The following CLU variants were observed in gnomAD, a reference collection of about 807,000 sequenced individuals.
The protein encoded by CLU is aging-associated protein 4.
In CLU, 25 loss-of-function variants were observed where a neutral mutation model predicts 46.4. The observed-to-expected ratio is 0.54, with a 90% CI of 0.39 to 0.75. CLU has a LOEUF of 0.75. Ranked by LOEUF, CLU falls within the 30% of genes least tolerant of loss-of-function variation. The pLI, the probability that CLU is intolerant of heterozygous loss-of-function variation, is 0.00. For missense variants in CLU, 504 were observed against 592.1 expected (o/e 0.85, Z 1.54); for synonymous variants, 235 against 235.1 (o/e 1.00, Z 0.00).
At chr8:27,611,300 G>A (rs975429900) in intron 1 of CLU, 1 of 454,956 alleles carries the variant, frequency 2.2e-6, no homozygotes, top group Admixed American at 2.3e-5. Context: ...GGAGAGTAGA[G>A]AGGGTTCGCA....
Position 27,600,013 on chromosome 8 carries a change from C to G in CLU, c.935-4G>C. ...GAGGGGTTGTTGGTGGAACAGTCTG[C>G]CCAGAGATGGAAGAAACGCAAGTGA... On this transcript the variant is annotated splice_region_variant and splice_polypyrimidine_tract_variant and intron_variant, in intron 6 of 8. Coordinates refer to ENST00000316403, the MANE Select transcript of CLU (RefSeq NM_001831.4). 1 of 1,611,844 alleles carries G rather than the reference C, an allele frequency of 6.2e-7. No homozygotes were observed. The highest frequency in any genetic ancestry group is 2.2e-5 in the East Asian group (1 of 44,860).
chr8:27,596,976 T>C lies in CLU; in HGVS notation c.*1265A>G, dbSNP rs770079450. ...TGTGACATATACTTTACAATTATGA[T>C]CACTTAAGCAAATACCTCTGACCCC... On this transcript the variant is annotated 3_prime_UTR_variant, in exon 9 of 9. Transcript: ENST00000316403. 114 of 454,036 alleles carry C rather than the reference T, an allele frequency of 2.5e-4. No individual in the cohort carries two copies. Among genetic ancestry groups the C allele is most frequent in the Non-Finnish European group, 4.1e-4 (93 of 226,766 alleles). 28.1% of individuals were successfully genotyped at this position (454,036 alleles called of 1,614,324 possible). A position where few individuals can be genotyped will look rare whatever the true frequency, so the allele number is the denominator to read the frequency against.
intron 6 of CLU, among the ~76,000 whole-genome samples, chr8:27,603,369 G>A (rs752434202): frequency 6.6e-6 from 1 of 152,194 alleles, no homozygotes; most frequent in Non-Finnish European, 1.5e-5. Flanking sequence ...ATAGGAGTGA[G>A]GCTAGGAATG....
chr8:27,611,320 G>C (rs1800925180), intron 1 of CLU: 1 of 455,396 alleles, frequency 2.2e-6, no homozygotes, highest in South Asian at 1.6e-5. Flanking sequence ...AGTGGCCCGA[G>C]GAGCAGGCTT....
intron 2 of CLU, 35 bp from the exon 3 acceptor site, chr8:27,609,121 G>A (rs779567691): frequency 1.2e-6 from 2 of 1,611,068 alleles, no homozygotes; most frequent in South Asian, 1.1e-5. Context: ...AATGAGGCGA[G>A]AGGAAGAGGT....
chr8:27,604,011 C>CT (rs9331920), intron 6 of CLU, among the ~76,000 whole-genome samples: 21 of 152,186 alleles, frequency 1.4e-4, no homozygotes, highest in African/African-American at 5.1e-4. Flanking sequence ...TTTCAACAAG[C>CT]TTTTTTCAAC....
At chr8:27,610,640 G>A (rs376990716) in intron 1 of CLU, 40 bp from the exon 2 acceptor site, 10 of 1,517,282 alleles carry the variant, frequency 6.6e-6, no homozygotes, top group African/African-American at 1.4e-5. Context: ...CAGCTAGACA[G>A]CCTGCTGGCG....
intron 3 of CLU, among the ~76,000 whole-genome samples, chr8:27,607,339 A>AAAAACAAAAC (rs6150518): frequency 0.059 from 8,709 of 148,752 alleles, 439 homozygotes; most frequent in East Asian, 0.28. Flanking sequence ...TCTGTCTCAA[A>AAAAACAAAAC]AAAACAAAAC....
chr8:27,608,005 C>A (rs1331926300), intron 3 of CLU, among the ~76,000 whole-genome samples: 1 of 152,154 alleles, frequency 6.6e-6, no homozygotes, highest in Non-Finnish European at 1.5e-5. Flanking sequence ...CCAGTGATAA[C>A]CACAAAAATG....
chr8:27,600,558 A>G (rs1012402921), intron 6 of CLU, among the ~76,000 whole-genome samples: 6 of 152,066 alleles, frequency 3.9e-5, no homozygotes, highest in South Asian at 2.1e-4. Flanking sequence ...ACGCCAACTG[A>G]CCTAAACAGT....
rs372508623 is a variant in CLU at position 27,597,072 on chromosome 8, C to G, written c.*1169G>C. 2.9e-5 allele frequency: 13 copies of G among 453,982 alleles called. No individual in the cohort carries two copies. The highest frequency in any genetic ancestry group is 2.6e-4 in the African/African-American group (13 of 49,996). 28.1% of individuals were successfully genotyped at this position (453,982 alleles called of 1,614,324 possible). A position where few individuals can be genotyped will look rare whatever the true frequency, so the allele number is the denominator to read the frequency against. ...ACTCTGAATTTCCTTGACAGCCATG[C>G]TAAAATACTTACCTTGGACATAAGC... On this transcript the variant is annotated 3_prime_UTR_variant, in exon 9 of 9. Coordinates refer to ENST00000316403, the MANE Select transcript of CLU (RefSeq NM_001831.4).
At chr8:27,602,436 C>T (rs1347839709) in intron 6 of CLU, among the ~76,000 whole-genome samples, 1 of 151,904 alleles carries the variant, frequency 6.6e-6, no homozygotes, top group Non-Finnish European at 1.5e-5. Flanking sequence ...GACCCCATCT[C>T]TACTAAAAAT....
At chr8:27,614,482 C>T (rs1350186087) in intron 1 of CLU, 173 bp downstream of exon 1, 3 of 348,638 alleles carry the variant, frequency 8.6e-6, no homozygotes, top group Non-Finnish European at 1.7e-5. Flanking sequence ...GGCTCAGCTG[C>T]CTGGTGATGG....
chr8:27,605,996 C>T (rs2128909247), intron 4 of CLU, among the ~76,000 whole-genome samples: 1 of 151,636 alleles, frequency 6.6e-6, no homozygotes, highest in East Asian at 1.9e-4. Context: ...AACATGATCA[C>T]ATCACTGTAC....
At chr8:27,603,121 C>G (rs1457178398) in intron 6 of CLU, among the ~76,000 whole-genome samples, 1 of 152,162 alleles carries the variant, frequency 6.6e-6, no homozygotes, top group Non-Finnish European at 1.5e-5. Flanking sequence ...AGACCTGAGC[C>G]CAGCCTGGGC....
At chr8:27,602,732 G>T (rs929134870) in intron 6 of CLU, among the ~76,000 whole-genome samples, 3 of 152,050 alleles carry the variant, frequency 2.0e-5, no homozygotes, top group African/African-American at 7.2e-5. Context: ...AGACTATTTA[G>T]CTCAGCTTAG....
chr8:27,605,258 G>C lies in CLU; in HGVS notation c.495C>G (p.Asn165Lys). ...NGDRIDSLLE[N>K]DRQQTHMLDV... Reference sequence around the variant, plus strand: ...CCAGCATGTGCGTCTGCTGCCGGTCGTTCTCCAGCAGGGAGTCGATGCGGT... The same window carrying C: ...CCAGCATGTGCGTCTGCTGCCGGTCCTTCTCCAGCAGGGAGTCGATGCGGT... The change falls in exon 5 of 9, where the codon AAC becomes AAG. Residue 165 changes from asparagine to lysine, a missense_variant. Coordinates refer to ENST00000316403, the MANE Select transcript of CLU (RefSeq NM_001831.4). 6.2e-7 allele frequency: 1 copy of C among 1,614,218 alleles called. No individual in the cohort carries two copies. The highest frequency in any genetic ancestry group is 8.5e-7 in the Non-Finnish European group (1 of 1,180,042).
chr8:27,611,488 C>T, intron 1 of CLU: 1 of 456,954 alleles, frequency 2.2e-6, no homozygotes, highest in African/African-American at 2.0e-5. Flanking sequence ...TAGCCCCGGT[C>T]TTACACAATG....
chr8:27,604,233 G>A (rs1800772204), intron 6 of CLU, 58 bp downstream of exon 6: 1 of 1,373,910 alleles, frequency 7.3e-7, no homozygotes, highest in Non-Finnish European at 1.0e-6. Context: ...TGAGGCCCCA[G>A]TGACCCCAGG....
Sources: gnomAD v4.1 joint callset for allele counts (sites outside exome capture counted in the v4.1 genomes callset) on GRCh38, gnomAD v4.1.1 for gene constraint, MANE v1.5 for transcripts, NCBI Gene and HGNC (gene_info 2026-07-23, HGNC 2026-07-21) for gene names.